The following TENM1 variants were observed in gnomAD, a reference collection of about 807,000 sequenced individuals.
TENM1 encodes teneurin transmembrane protein 1, also known as teneurin-1.
TENM1 carries 35 observed loss-of-function variants against 174.8 expected under a neutral mutation model. The ratio of observed to expected loss-of-function variants is 0.20; its 90% CI spans 0.15 to 0.27. TENM1 has a LOEUF of 0.27. Ranked by LOEUF, TENM1 falls within the 10% of genes least tolerant of loss-of-function variation. The pLI is 1.00. For missense variants in TENM1, 1,633 were observed against 2,130.1 expected, an observed-to-expected ratio of 0.77 and a Z score of 4.59; for synonymous variants, 781 against 798.7, an observed-to-expected ratio of 0.98 and a Z score of 0.37.
At chrX:124,878,904 T>TAA (rs1422652969) in intron 3 of TENM1, among the ~76,000 whole-genome samples, 2 of 111,942 alleles carry the variant, frequency 1.8e-5, no homozygotes, top group Non-Finnish European at 3.8e-5. Context: ...TCTGTCCTCT[T>TAA]AAAGTGTTCC....
the TENM1 span, among the ~76,000 whole-genome samples, chrX:125,088,797 A>G: frequency 9.0e-6 from 1 of 110,969 alleles, no homozygotes; most frequent in Non-Finnish European, 1.9e-5. Context: ...CTTCACTACT[A>G]TGCGATATAT....
At chrX:124,880,685 T>C (rs1026428594) in intron 3 of TENM1, among the ~76,000 whole-genome samples, 22 of 111,436 alleles carry the variant, frequency 2.0e-4, no homozygotes, top group African/African-American at 6.9e-4. Flanking sequence ...TTTATTATGT[T>C]GAGGTGTGTT....
intron 5 of TENM1, among the ~76,000 whole-genome samples, chrX:124,685,245 A>C (rs193045660): frequency 1.4e-3 from 159 of 112,090 alleles, no homozygotes; most frequent in Non-Finnish European, 1.8e-3. Context: ...TAATTAACTT[A>C]AAGAAGCTCA....
chrX:124,828,911 C>T (rs887741003), intron 3 of TENM1, among the ~76,000 whole-genome samples: 4 of 111,818 alleles, frequency 3.6e-5, no homozygotes, highest in African/African-American at 9.8e-5. Flanking sequence ...TCTTTGGAAA[C>T]GATATTGATG....
At chrX:124,969,360 CA>C in the TENM1 span, among the ~76,000 whole-genome samples, 1 of 112,052 alleles carries the variant, frequency 8.9e-6, no homozygotes, top group African/African-American at 3.2e-5. Flanking sequence ...GCTAACAAGA[CA>C]AACTCTAAGT....
chrX:125,012,412 A>T, the TENM1 span, among the ~76,000 whole-genome samples: 1 of 111,988 alleles, frequency 8.9e-6, no homozygotes, highest in Non-Finnish European at 1.9e-5. Flanking sequence ...CAAACACTAA[A>T]ATGAGACTAC....
chrX:124,405,723 G>C (rs1437478561), intron 26 of TENM1, among the ~76,000 whole-genome samples: 1 of 110,286 alleles, frequency 9.1e-6, no homozygotes, highest in Non-Finnish European at 1.9e-5. Flanking sequence ...AGTGTCTGGT[G>C]TCACCACCTA....
chrX:124,732,876 C>A (rs911682303), intron 4 of TENM1, among the ~76,000 whole-genome samples: 9 of 112,135 alleles, frequency 8.0e-5, no homozygotes, highest in Admixed American at 2.8e-4. Context: ...TGCTAGAGAT[C>A]CACAGTCTTT....
intron 3 of TENM1, among the ~76,000 whole-genome samples, chrX:124,754,501 G>C (rs1195021202): frequency 9.0e-5 from 10 of 111,016 alleles, no homozygotes; most frequent in Admixed American, 1.9e-4. Flanking sequence ...GTTCTGCTCT[G>C]ATTTTAGTTA....
exon 2 of TENM1, chrX:124,896,011 C>T: frequency 8.3e-7 from 1 of 1,211,306 alleles, no homozygotes; most frequent in Non-Finnish European, 1.1e-6. Flanking sequence ...CTTTCATGGT[C>T]AGTGTCAGTC....
the TENM1 span, among the ~76,000 whole-genome samples, chrX:125,010,829 A>T: frequency 9.4e-6 from 1 of 106,582 alleles, no homozygotes; most frequent in African/African-American, 3.5e-5. Context: ...AAAAAAAAAA[A>T]CATTTTAAAT....
upstream of TENM1, among the ~76,000 whole-genome samples, chrX:124,968,713 G>C (rs1325706387): frequency 9.0e-6 from 1 of 111,426 alleles, no homozygotes; most frequent in Non-Finnish European, 1.9e-5. Context: ...CCTAAAATTT[G>C]TGTCAGTGGA....
At chrX:124,381,524 A>G (rs999841447) in intron 31 of TENM1, among the ~76,000 whole-genome samples, 10 of 112,164 alleles carry the variant, frequency 8.9e-5, no homozygotes, top group African/African-American at 3.2e-4. Context: ...ATAAGGAAAT[A>G]CATTTAAACT....
intron 3 of TENM1, among the ~76,000 whole-genome samples, chrX:124,812,220 C>T (rs77492059): frequency 0.015 from 1,623 of 110,607 alleles, 29 homozygotes; most frequent in African/African-American, 0.05. Flanking sequence ...TTAGCCATTC[C>T]ACAATGTGTA....
chrX:125,113,417 T>C, the TENM1 span, among the ~76,000 whole-genome samples: 2 of 111,131 alleles, frequency 1.8e-5, no homozygotes, highest in Admixed American at 9.6e-5. Context: ...GATACAATAT[T>C]ATACCAGTCA....
the TENM1 span, among the ~76,000 whole-genome samples, chrX:125,068,521 T>G: frequency 2.7e-5 from 3 of 112,145 alleles, no homozygotes; most frequent in South Asian, 1.1e-3. Context: ...TCAAATATGT[T>G]AAATCTGAGA....
the TENM1 span, among the ~76,000 whole-genome samples, chrX:125,147,141 GTATATATATCACATATATGTGTGTATA>G: frequency 1.0e-5 from 1 of 97,724 alleles, no homozygotes; most frequent in Non-Finnish European, 2.2e-5. Flanking sequence ...ACATATGTGT[GTATATATATCACATATATGTGTGTATA>G]TATATCACAT....
At chrX:125,157,140 G>C in the TENM1 span, among the ~76,000 whole-genome samples, 1 of 112,320 alleles carries the variant, frequency 8.9e-6, no homozygotes, top group Non-Finnish European at 1.9e-5. Flanking sequence ...ATCTGTGAGA[G>C]AAAGAACTGG....
At chrX:125,077,827 T>C in the TENM1 span, among the ~76,000 whole-genome samples, 1 of 111,975 alleles carries the variant, frequency 8.9e-6, no homozygotes, top group Non-Finnish European at 1.9e-5. Context: ...GTGCTTATTA[T>C]AGTACATCTG....
Sources: gnomAD v4.1 joint callset for allele counts (sites outside exome capture counted in the v4.1 genomes callset) on GRCh38, gnomAD v4.1.1 for gene constraint, MANE v1.5 for transcripts, NCBI Gene and HGNC (gene_info 2026-07-23, HGNC 2026-07-21) for gene names.